The following CDH18 variants were observed in gnomAD, a reference collection of about 807,000 sequenced individuals.
CDH18 encodes cadherin-18.
A neutral mutation model predicts 67.9 loss-of-function variants in CDH18; 31 were observed. The observed-to-expected ratio is 0.46, with a 90% CI of 0.34 to 0.62. The LOEUF (loss-of-function observed/expected upper bound fraction) is 0.62. CDH18 is among the 20% of genes least tolerant of loss of function. The pLI is 0.01. For missense variants in CDH18, 890 were observed against 975.5 expected, an observed-to-expected ratio of 0.91 and a Z score of 1.17; for synonymous variants, 362 against 347.2, an observed-to-expected ratio of 1.04 and a Z score of -0.48.
chr5:20,364,948 G>A (rs1742390381), intron 1 of CDH18, among the ~76,000 whole-genome samples: 1 of 152,134 alleles, frequency 6.6e-6, no homozygotes, highest in African/African-American at 2.4e-5. Context: ...GGATGGACTA[G>A]GCAAACATTT....
At chr5:19,689,332 A>G (rs1761536156) in intron 5 of CDH18, among the ~76,000 whole-genome samples, 1 of 152,056 alleles carries the variant, frequency 6.6e-6, no homozygotes, top group Non-Finnish European at 1.5e-5. Flanking sequence ...TGGATTTCTC[A>G]GAATAAATCT....
At chr5:19,882,982 T>C (rs1008912944) in intron 2 of CDH18, among the ~76,000 whole-genome samples, 1 of 152,166 alleles carries the variant, frequency 6.6e-6, no homozygotes, top group Non-Finnish European at 1.5e-5. Context: ...AAGAATAATA[T>C]ATGCTATTAA....
intron 2 of CDH18, among the ~76,000 whole-genome samples, chr5:20,203,709 T>C (rs576781936): frequency 4.1e-5 from 6 of 147,834 alleles, no homozygotes; most frequent in African/African-American, 9.9e-5. Context: ...TGCAAAGACA[T>C]AGACATACTT....
chr5:20,206,482 C>T (rs1435202954), intron 2 of CDH18, among the ~76,000 whole-genome samples: 3 of 151,754 alleles, frequency 2.0e-5, no homozygotes, highest in African/African-American at 4.8e-5. Flanking sequence ...ACTTATTCAA[C>T]GAGGTTAGTA....
intron 1 of CDH18, among the ~76,000 whole-genome samples, chr5:20,261,358 TG>T (rs1161468006): frequency 6.6e-6 from 1 of 152,224 alleles, no homozygotes; most frequent in Non-Finnish European, 1.5e-5. Context: ...ATTTATGAAA[TG>T]CTTTTATAGC....
intron 1 of CDH18, among the ~76,000 whole-genome samples, chr5:20,332,320 A>T (rs1739258684): frequency 6.6e-6 from 1 of 152,180 alleles, no homozygotes; most frequent in Admixed American, 6.5e-5. Context: ...TAACTATATC[A>T]TCTACTTTGT....
intron 1 of CDH18, among the ~76,000 whole-genome samples, chr5:20,394,472 C>T (rs186595972): frequency 6.6e-6 from 1 of 152,154 alleles, no homozygotes; most frequent in Non-Finnish European, 1.5e-5. Context: ...AAACCATTAA[C>T]ATTTTAGAAG....
chr5:20,071,538 A>G (rs923467613), intron 2 of CDH18, among the ~76,000 whole-genome samples: 1 of 152,100 alleles, frequency 6.6e-6, no homozygotes, highest in Non-Finnish European at 1.5e-5. Flanking sequence ...CTGAAGGGAC[A>G]GCTACATGAT....
intron 5 of CDH18, among the ~76,000 whole-genome samples, chr5:19,697,114 G>A (rs13188365): frequency 0.95 from 144,918 of 152,300 alleles, 69,293 homozygotes; most frequent in East Asian, 1. Context: ...CAGCTGAAAT[G>A]AGTAATTTAA....
chr5:19,634,014 T>C (rs1414083697), intron 5 of CDH18, among the ~76,000 whole-genome samples: 1 of 152,192 alleles, frequency 6.6e-6, no homozygotes, highest in Non-Finnish European at 1.5e-5. Context: ...TTCTTACTTG[T>C]ACTTTGGAAA....
At chr5:19,663,859 A>G (rs1377288537) in intron 5 of CDH18, among the ~76,000 whole-genome samples, 3 of 150,462 alleles carry the variant, frequency 2.0e-5, no homozygotes, top group Admixed American at 6.7e-5. Flanking sequence ...ATCCTTGCAT[A>G]AGATACACTT....
intron 8 of CDH18, 55 bp from the exon 9 acceptor site, chr5:19,544,060 G>C: frequency 1.1e-6 from 1 of 900,816 alleles, no homozygotes; most frequent in Non-Finnish European, 1.7e-6. Flanking sequence ...AAATACAACT[G>C]AACCAAGGAA....
chr5:20,354,427 TA>T (rs750342243), intron 1 of CDH18, among the ~76,000 whole-genome samples: 1 of 152,204 alleles, frequency 6.6e-6, no homozygotes, highest in Non-Finnish European at 1.5e-5. Flanking sequence ...TTTATTTATT[TA>T]TTTAGGGACA....
Position 19,483,283 on chromosome 5 carries a change from G to A in CDH18, c.1882+18C>T. The A allele has an allele frequency of 6.3e-7, 1 of 1,597,978 alleles. No homozygotes were observed. The highest frequency in any genetic ancestry group is 8.5e-7 in the Non-Finnish European group (1 of 1,171,316). On this transcript the variant is annotated intron_variant, in intron 12 of 12. Coordinates refer to ENST00000382275, the MANE Select transcript of CDH18 (RefSeq NM_004934.5). ...TCAGAATTGCCATCATGCAAACTTA[G>A]GGTTTAGAATGACTTACCCAGGAGA...
chr5:19,955,304 CTCA>C (rs1475156902), intron 2 of CDH18, among the ~76,000 whole-genome samples: 1 of 151,978 alleles, frequency 6.6e-6, no homozygotes, highest in Admixed American at 6.6e-5. Flanking sequence ...AGCTAATGTG[CTCA>C]TCATTTCACA....
intron 2 of CDH18, among the ~76,000 whole-genome samples, chr5:20,215,313 T>C (rs765667312): frequency 6.6e-6 from 1 of 151,888 alleles, no homozygotes; most frequent in Non-Finnish European, 1.5e-5. Context: ...ATATATACAA[T>C]AAATATTTCT....
intron 1 of CDH18, among the ~76,000 whole-genome samples, chr5:20,281,660 CT>C (rs1302302967): frequency 6.6e-6 from 1 of 152,118 alleles, no homozygotes; most frequent in African/African-American, 2.4e-5. Context: ...CAGCTTTGTT[CT>C]TTTAGCTTAG....
intron 1 of CDH18, among the ~76,000 whole-genome samples, chr5:20,483,906 G>A (rs1230503523): frequency 6.6e-6 from 1 of 151,832 alleles, no homozygotes; most frequent in East Asian, 1.9e-4. Context: ...ACAAGCATAG[G>A]CAACAAAAGC....
chr5:20,228,395 A>C (rs1741806666), intron 2 of CDH18, among the ~76,000 whole-genome samples: 1 of 152,124 alleles, frequency 6.6e-6, no homozygotes, highest in Admixed American at 6.6e-5. Context: ...ATGATGTATT[A>C]AAGTATATAT....
Sources: gnomAD v4.1 joint callset for allele counts (sites outside exome capture counted in the v4.1 genomes callset) on GRCh38, gnomAD v4.1.1 for gene constraint, MANE v1.5 for transcripts, NCBI Gene and HGNC (gene_info 2026-07-23, HGNC 2026-07-21) for gene names.